TSHZ2: variants seen among roughly 807,000 people sequenced by gnomAD.
TSHZ2 encodes teashirt zinc finger homeobox 2.
In TSHZ2, 21 loss-of-function variants were observed where a neutral mutation model predicts 74.4. The observed-to-expected ratio is 0.28, with a 90% CI of 0.20 to 0.41. The LOEUF (loss-of-function observed/expected upper bound fraction) is 0.41, where lower values mean the gene tolerates loss of function less well. Among genes scored for constraint, TSHZ2 ranks in the 10% least tolerant of loss-of-function variants. The pLI is 1.00. For missense variants in TSHZ2, 1,244 were observed against 1,293.5 expected (o/e 0.96, Z 0.59); for synonymous variants, 540 against 515.3 (o/e 1.05, Z -0.65).
intron 1 of TSHZ2, among the ~76,000 whole-genome samples, chr20:53,153,821 A>G (rs1422929630): frequency 6.6e-6 from 1 of 152,154 alleles, no homozygotes; most frequent in African/African-American, 2.4e-5. Context: ...CTGCAGGTCA[A>G]TAATTTTGGC....
chr20:53,107,170 C>G (rs1986401099), intron 1 of TSHZ2, among the ~76,000 whole-genome samples: 1 of 152,168 alleles, frequency 6.6e-6, no homozygotes, highest in Non-Finnish European at 1.5e-5. Flanking sequence ...TGCCAAAATT[C>G]CCTCTCCCTT....
chr20:53,171,841 G>A (rs1001430794), intron 1 of TSHZ2, among the ~76,000 whole-genome samples: 7 of 152,042 alleles, frequency 4.6e-5, no homozygotes, highest in African/African-American at 7.2e-5. Flanking sequence ...AGGAAGAAAG[G>A]TATTGTTACT....
intron 1 of TSHZ2, among the ~76,000 whole-genome samples, chr20:53,069,662 TACACACACACACACACACACAC>T (rs11471151): frequency 1.5e-4 from 21 of 138,996 alleles, no homozygotes; most frequent in African/African-American, 4.4e-4. Flanking sequence ...AATGCTTTGA[TACACACACACACACACACACAC>T]ACACACACAC....
chr20:53,141,150 G>A (rs1600709157), intron 1 of TSHZ2, among the ~76,000 whole-genome samples: 1 of 152,194 alleles, frequency 6.6e-6, no homozygotes, highest in Non-Finnish European at 1.5e-5. Context: ...AGTGAGCCAC[G>A]TGGGTACCAC....
Position 53,254,421 on chromosome 20 carries a change from G to A in TSHZ2, c.963G>A (p.Lys321=), listed in dbSNP as rs1041717474. 2.5e-6 allele frequency: 4 copies of A among 1,613,272 alleles called. No individual in the cohort carries two copies. In the African/African-American group the frequency reaches 5.3e-5, roughly 22 times the overall value. The part of the protein sequence containing the change: ...TISSKMVTPA[K]KRVFDVNRPC... Reference sequence around the variant, plus strand: ...CCTCGAAAATGGTCACCCCGGCTAAGAAACGCGTTTTTGATGTCAATCGGC... The same window carrying A: ...CCTCGAAAATGGTCACCCCGGCTAAAAAACGCGTTTTTGATGTCAATCGGC... The change falls in exon 2 of 3, where the codon AAG becomes AAA. Residue 321 remains lysine (K), a synonymous_variant. Coordinates refer to ENST00000371497, the MANE Select transcript of TSHZ2 (RefSeq NM_173485.6).
intron 2 of TSHZ2, among the ~76,000 whole-genome samples, chr20:53,304,232 T>A (rs1978426662): frequency 7.6e-6 from 1 of 131,650 alleles, no homozygotes; most frequent in Non-Finnish European, 1.5e-5. Context: ...ATGTTCCCCT[T>A]CCTGTGTCCA....
chr20:53,146,570 C>T (rs1397281552), intron 1 of TSHZ2, among the ~76,000 whole-genome samples: 1 of 152,172 alleles, frequency 6.6e-6, no homozygotes, highest in Non-Finnish European at 1.5e-5. Flanking sequence ...GATTGAAAAG[C>T]TGCTGTCTTT....
At chr20:53,327,993 G>A (rs1213267674) in intron 2 of TSHZ2, among the ~76,000 whole-genome samples, 1 of 152,214 alleles carries the variant, frequency 6.6e-6, no homozygotes, top group Admixed American at 6.5e-5. Flanking sequence ...GAAGCAAGTG[G>A]GAAGAGGCCA....
intron 1 of TSHZ2, among the ~76,000 whole-genome samples, chr20:53,217,151 C>G (rs967554092): frequency 1.4e-4 from 22 of 152,184 alleles, no homozygotes; most frequent in Admixed American, 7.2e-4. Context: ...CAGGCCCACC[C>G]GGTGAAGCTG....
intron 1 of TSHZ2, among the ~76,000 whole-genome samples, chr20:53,129,636 C>G (rs1376789290): frequency 1.3e-5 from 2 of 152,110 alleles, no homozygotes; most frequent in Admixed American, 1.3e-4. Context: ...CTATTACTTC[C>G]AGATTTTCCT....
chr20:53,412,501 A>T (rs980617350), intron 2 of TSHZ2: 3 of 152,288 alleles, frequency 2.0e-5, no homozygotes, highest in Non-Finnish European at 4.4e-5. Flanking sequence ...CTGTTCCACA[A>T]CCATCACCAC....
At position 53,153,072 on chromosome 20, in the gene TSHZ2, T is replaced by C. The variant is rs573906916; in HGVS notation, c.41-100427T>C. Among the ~76,000 whole-genome samples the C allele has an allele frequency of 5.0e-4, 76 of 152,300 alleles. 1 individual carries two copies. The South Asian group carries it at 0.015, about 30-fold the overall frequency. On this transcript the variant is annotated intron_variant, in intron 1 of 2. Transcript: ENST00000371497. The stretch of plus-strand genomic sequence containing the variant: ...GTCCAGAATCCATCATGCCTCAGAA[T>C]GCCTTTTCAAAAATGAAATCACCCA...
chr20:53,352,548 C>T (rs200628), intron 2 of TSHZ2, among the ~76,000 whole-genome samples: 70,969 of 151,522 alleles, frequency 0.47, 17,483 homozygotes, highest in African/African-American at 0.61. Flanking sequence ...CCAAGGTGAG[C>T]GGGTCACGTG....
At chr20:53,218,266 A>G (rs1482443844) in intron 1 of TSHZ2, among the ~76,000 whole-genome samples, 2 of 152,232 alleles carry the variant, frequency 1.3e-5, no homozygotes, top group African/African-American at 4.8e-5. Flanking sequence ...TGCTGCACCA[A>G]CCACATGGTC....
At chr20:53,125,955 A>G (rs1986937024) in intron 1 of TSHZ2, among the ~76,000 whole-genome samples, 1 of 152,222 alleles carries the variant, frequency 6.6e-6, no homozygotes, top group Non-Finnish European at 1.5e-5. Flanking sequence ...TAGTGGCTAC[A>G]TTGATAATAG....
At chr20:53,331,399 G>T (rs1372682809) in intron 2 of TSHZ2, among the ~76,000 whole-genome samples, 3 of 152,140 alleles carry the variant, frequency 2.0e-5, no homozygotes, top group African/African-American at 2.4e-5. Flanking sequence ...CTTCTTCCGG[G>T]ACCTGGTGGG....
Position 53,475,461 on chromosome 20 carries a change from G to A in TSHZ2, c.*9-11683G>A, listed in dbSNP as rs1017272725. Among the ~76,000 whole-genome samples, 38 of 116,476 alleles carry A rather than the reference G, an allele frequency of 3.3e-4. 2 individuals are homozygous for A. Among genetic ancestry groups the A allele is most frequent in the Non-Finnish European group, 5.5e-4 (32 of 57,670 alleles). The allele number at this position is 116,476 out of a possible 152,430, so 76.4% of individuals were successfully genotyped here. ...AATGAAGATGTTCTTTGAAACCAAC[G>A]AGAACAAAGACACAACATACCAGAA... On this transcript the variant is annotated intron_variant, in intron 2 of 2. Transcript: ENST00000371497.
rs142709626 is a variant in TSHZ2, at chr20:53,319,664, C to T, written c.*8+63093C>T. On this transcript the variant is annotated intron_variant, in intron 2 of 2. Coordinates refer to ENST00000371497, the MANE Select transcript of TSHZ2 (RefSeq NM_173485.6). ...GAGCAAAGCAGAGGGGACGGCTGTC[C>T]GGATCTCATGTGGGCTCTGTCACTT... Among the ~76,000 whole-genome samples, 1,076 of 152,330 alleles carry T rather than the reference C, an allele frequency of 7.1e-3. 10 individuals are homozygous for T. Among genetic ancestry groups the T allele is most frequent in the Non-Finnish European group, 0.011 (740 of 68,036 alleles).
At position 53,007,517 on chromosome 20, in the gene TSHZ2, A is replaced by T. The variant is rs1251196552; in HGVS notation, c.40+34184A>T. 2.6e-5 allele frequency among the ~76,000 whole-genome samples: 4 copies of T among 152,336 alleles called. No homozygotes were observed. The East Asian group carries it at 7.7e-4, about 29-fold the overall frequency. On this transcript the variant is annotated intron_variant, in intron 1 of 2. Transcript: ENST00000371497. ...TGTTGGATAAAATAATTTCTTGGTG[A>T]TGACATTAGCATGGAATAGTTACCA...
Sources: gnomAD v4.1 joint callset for allele counts (sites outside exome capture counted in the v4.1 genomes callset) on GRCh38, gnomAD v4.1.1 for gene constraint, MANE v1.5 for transcripts, NCBI Gene and HGNC (gene_info 2026-07-23, HGNC 2026-07-21) for gene names.